The following CCPG1 variants were observed in gnomAD, a reference collection of about 807,000 sequenced individuals.
The protein encoded by CCPG1 is cell cycle progression 1.
CCPG1 carries 46 observed loss-of-function variants against 81.3 expected under a neutral mutation model. The ratio of observed to expected loss-of-function variants is 0.57; its 90% CI spans 0.45 to 0.72. The LOEUF is 0.72. CCPG1 is among the 30% of genes least tolerant of loss of function. The probability of loss-of-function intolerance (pLI) is 0.00; values close to 1 mark genes in which losing one functional copy is unlikely to be tolerated. For missense variants in CCPG1, 902 were observed against 937.6 expected (o/e 0.96, Z 0.50); for synonymous variants, 330 against 305.2 (o/e 1.08, Z -0.85).
chr15:55,407,524 G>C (rs1460328123), intron 1 of CCPG1, among the ~76,000 whole-genome samples: 1 of 152,174 alleles, frequency 6.6e-6, no homozygotes, highest in Non-Finnish European at 1.5e-5. Context: ...AAGTAGAGCA[G>C]AACAGTGCAA....
chr15:55,356,828 A>G (rs892636862), intron 8 of CCPG1: 4 of 989,854 alleles, frequency 4.0e-6, no homozygotes, highest in African/African-American at 3.5e-5. Flanking sequence ...AAAGCTCACA[A>G]CACCTACACC....
At chr15:55,391,362 C>G (rs116542152) in intron 1 of CCPG1, among the ~76,000 whole-genome samples, 3,714 of 152,314 alleles carry the variant, frequency 0.024, 147 homozygotes, top group African/African-American at 0.084. Flanking sequence ...GCAATCCGCC[C>G]TCCTCAGCTT....
chr15:55,404,115 G>A (rs1280786720), intron 1 of CCPG1, among the ~76,000 whole-genome samples: 1 of 152,076 alleles, frequency 6.6e-6, no homozygotes, highest in Non-Finnish European at 1.5e-5. Flanking sequence ...TCAGTACACA[G>A]AATATACAAA....
chr15:55,381,219 A>C (rs908978810), intron 3 of CCPG1, among the ~76,000 whole-genome samples: 1 of 151,866 alleles, frequency 6.6e-6, no homozygotes, highest in Non-Finnish European at 1.5e-5. Context: ...ACTGATCAGG[A>C]GGTCAGGAGT....
At chr15:55,373,095 A>G in intron 5 of CCPG1, 1 of 489,476 alleles carries the variant, frequency 2.0e-6, no homozygotes, top group Non-Finnish European at 4.1e-6. Flanking sequence ...AGAGAAAAAC[A>G]AACTAGTGGG....
intron 3 of CCPG1, among the ~76,000 whole-genome samples, chr15:55,382,359 T>C (rs745732778): frequency 2.0e-5 from 3 of 152,200 alleles, no homozygotes; most frequent in Non-Finnish European, 4.4e-5. Context: ...AAATCCTCTG[T>C]TGTCATTTCA....
At chr15:55,366,870 T>TG (rs757081852) in intron 6 of CCPG1, among the ~76,000 whole-genome samples, 2 of 152,054 alleles carry the variant, frequency 1.3e-5, no homozygotes, top group Admixed American at 6.6e-5. Context: ...GCGTCATGTA[T>TG]GGGGGGAAAA....
chr15:55,372,232 C>T (rs945727591), intron 5 of CCPG1, 188 bp from the exon 6 acceptor site: 1 of 599,894 alleles, frequency 1.7e-6, no homozygotes, highest in Non-Finnish European at 2.9e-6. Context: ...AAACATAAAG[C>T]ATTTCAAATG....
chr15:55,392,927 A>C (rs138835858), intron 1 of CCPG1, among the ~76,000 whole-genome samples: 5,540 of 151,850 alleles, frequency 0.036, 102 homozygotes, highest in African/African-American at 0.05. Context: ...AGATGATGAA[A>C]CCCTGTCTCT....
Position 55,360,949 on chromosome 15 carries a change from AT to A in CCPG1, c.829-6del, listed in dbSNP as rs144978590. On this transcript the variant is annotated splice_polypyrimidine_tract_variant and splice_region_variant and intron_variant, in intron 7 of 8. Transcript: ENST00000442196. ...TGCAAGATTTTCTTTCAATGACTAC[AT>A]TTTTTTTTGAAAGAGAAGAAATAAA... is the stretch of plus-strand genomic sequence containing the variant. 3.7e-3 allele frequency: 5,450 copies of A among 1,473,590 alleles called. 131 individuals carry two copies. The African/African-American group carries it at 0.061, about 16-fold the overall frequency. The allele number at this position is 1,473,590 out of a possible 1,614,324, so 91.3% of individuals were successfully genotyped here.
At chr15:55,358,488 T>C in intron 8 of CCPG1, 7 of 985,448 alleles carry the variant, frequency 7.1e-6, no homozygotes, top group Non-Finnish European at 8.4e-6. Flanking sequence ...GCATCTCTTA[T>C]CCTCCAGCTC....
chr15:55,360,760 A>G lies in CCPG1; in HGVS notation c.1013T>C (p.Leu338Ser). The stretch of plus-strand genomic sequence containing the variant: ...TTCAGTACTTGTCCCTTTATCTTCC[A>G]ATATTCTAATCTGTTCTCTTAGTTT... Reference protein sequence around the residue: ...LNKLREQIRILEDKGTSTELV... With the variant: ...LNKLREQIRISEDKGTSTELV... Residue 338 changes from leucine (L) to serine (S), a missense_variant, in exon 8 of 9, where the codon TTG (leucine) becomes TCG (serine). By Grantham distance (145) the Leu-to-Ser change is moderately radical (BLOSUM62 -2). Transcript: ENST00000442196. 6.2e-7 allele frequency: 1 copy of G among 1,611,592 alleles called. No homozygotes were observed. Among genetic ancestry groups the G allele is most frequent in the Non-Finnish European group, 8.5e-7 (1 of 1,179,418 alleles).
chr15:55,387,474 T>C (rs1329647491), intron 2 of CCPG1, among the ~76,000 whole-genome samples: 2 of 152,220 alleles, frequency 1.3e-5, no homozygotes, highest in African/African-American at 4.8e-5. Context: ...AATCTTGTTT[T>C]TTTCTGTTAA....
chr15:55,391,867 C>T (rs117545492), intron 1 of CCPG1, among the ~76,000 whole-genome samples: 5,093 of 100,048 alleles, frequency 0.051, 177 homozygotes, highest in East Asian at 0.17. Context: ...GAAACCTTGA[C>T]TCTTTAAAAA....
chr15:55,403,929 G>A (rs557084494), intron 1 of CCPG1, among the ~76,000 whole-genome samples: 1 of 152,236 alleles, frequency 6.6e-6, no homozygotes, highest in South Asian at 2.1e-4. Flanking sequence ...CATGATTTTA[G>A]CAGTTCATAT....
intron 8 of CCPG1, chr15:55,358,225 G>GT (rs1869040208): frequency 3.1e-6 from 1 of 319,708 alleles, no homozygotes; most frequent in South Asian, 1.2e-4. Flanking sequence ...AAGATCTATA[G>GT]TAAGAACAAA....
At chr15:55,357,063 T>C in intron 8 of CCPG1, 1 of 985,480 alleles carries the variant, frequency 1.0e-6, no homozygotes, top group Middle Eastern at 5.2e-4. Context: ...TGGATGTTGG[T>C]GTTCTCCCAG....
At chr15:55,392,361 G>A (rs981615888) in intron 1 of CCPG1, among the ~76,000 whole-genome samples, 7 of 151,748 alleles carry the variant, frequency 4.6e-5, no homozygotes, top group Non-Finnish European at 7.4e-5. Flanking sequence ...ACAGGCACGC[G>A]CCACCATGCC....
At chr15:55,380,314 G>A (rs28736419) in intron 3 of CCPG1, among the ~76,000 whole-genome samples, 1 of 129,320 alleles carries the variant, frequency 7.7e-6, no homozygotes, top group East Asian at 2.2e-4. Context: ...GTTTTGTTTT[G>A]AGACGGAGTC....
Sources: gnomAD v4.1 joint callset for allele counts (sites outside exome capture counted in the v4.1 genomes callset) on GRCh38, gnomAD v4.1.1 for gene constraint, MANE v1.5 for transcripts, NCBI Gene and HGNC (gene_info 2026-07-23, HGNC 2026-07-21) for gene names.